CWF19L1: variants seen among roughly 807,000 people sequenced by gnomAD.
CWF19L1 encodes CWF19 like cell cycle control factor 1, also known as CWF19-like protein 1.
Under a neutral mutation model 69.7 loss-of-function variants are expected in CWF19L1, and 60 were observed. That is an observed-to-expected ratio of 0.86 (90% confidence interval 0.70 to 1.07). The LOEUF is 1.07. CWF19L1 is among the 50% of genes least tolerant of loss of function. The pLI is 0.00. For missense variants in CWF19L1, 591 were observed against 638.9 expected, an observed-to-expected ratio of 0.92 and a Z score of 0.81; for synonymous variants, 209 against 222.2, an observed-to-expected ratio of 0.94 and a Z score of 0.53.
intron 1 of CWF19L1, among the ~76,000 whole-genome samples, chr10:100,266,494 A>G (rs757548604): frequency 5.6e-5 from 8 of 142,296 alleles, no homozygotes; most frequent in Non-Finnish European, 1.1e-4. Flanking sequence ...TGGCCCTATC[A>G]CTATGGTAAC....
Position 100,253,556 on chromosome 10 carries a change from T to C in CWF19L1, c.505-17A>G, listed in dbSNP as rs1564858530. 4 of 1,443,398 alleles carry C rather than the reference T, an allele frequency of 2.8e-6. No homozygotes were observed. The South Asian group carries it at 4.6e-5, about 17-fold the overall frequency. 89.4% of individuals were successfully genotyped at this position (1,443,398 alleles called of 1,614,324 possible). A position where few individuals can be genotyped will look rare whatever the true frequency, so the allele number is the denominator to read the frequency against. ...CACTTCTCCCTAGTAAACAAAAACT[T>C]AGTCATCCATACAGACCAAAAGTTA... On this transcript the variant is annotated splice_polypyrimidine_tract_variant and intron_variant, in intron 5 of 13. Coordinates refer to ENST00000354105, the MANE Select transcript of CWF19L1 (RefSeq NM_018294.6).
At chr10:100,237,029 A>C in intron 11 of CWF19L1, 60 bp from the exon 12 acceptor site, 1 of 1,533,606 alleles carries the variant, frequency 6.5e-7, no homozygotes, top group Non-Finnish European at 8.8e-7. Flanking sequence ...TTGTGCCTGC[A>C]CAGTCTCTGA....
chr10:100,241,921 T>C (rs1180966979), intron 10 of CWF19L1, among the ~76,000 whole-genome samples: 1 of 152,232 alleles, frequency 6.6e-6, no homozygotes, highest in African/African-American at 2.4e-5. Context: ...TCCTCAGGAA[T>C]CTTGGGGAAC....
chr10:100,261,122 GT>G, intron 2 of CWF19L1, 78 bp from the exon 3 acceptor site: 1 of 900,896 alleles, frequency 1.1e-6, no homozygotes, highest in Non-Finnish European at 1.7e-6. Flanking sequence ...TATTCAACTA[GT>G]TATTTAATAG....
At chr10:100,261,142 C>A (rs1425259729) in intron 2 of CWF19L1, 98 bp from the exon 3 acceptor site, 16 of 784,750 alleles carry the variant, frequency 2.0e-5, no homozygotes, top group Non-Finnish European at 3.3e-5. Flanking sequence ...AGTTTCAAAT[C>A]AGTTTTTAAT....
chr10:100,246,688 AG>A (rs1208805261), intron 8 of CWF19L1, 106 bp downstream of exon 8: 6 of 1,141,156 alleles, frequency 5.3e-6, no homozygotes, highest in Non-Finnish European at 7.2e-6. Flanking sequence ...TGATTTCCCA[AG>A]GGGAAAAAAA....
At chr10:100,238,318 G>T in intron 10 of CWF19L1, 87 bp from the exon 11 acceptor site, 1 of 1,193,666 alleles carries the variant, frequency 8.4e-7, no homozygotes, top group Non-Finnish European at 1.2e-6. Flanking sequence ...GTGAGCCTGA[G>T]GGTGTAGGCG....
intron 9 of CWF19L1, among the ~76,000 whole-genome samples, chr10:100,244,919 T>G (rs1163312858): frequency 6.6e-6 from 1 of 152,184 alleles, no homozygotes; most frequent in African/African-American, 2.4e-5. Flanking sequence ...CCACCCAAAG[T>G]GCTGGGATTA....
At chr10:100,258,553 T>C (rs1298452874) in intron 4 of CWF19L1, 1 of 152,230 alleles carries the variant, frequency 6.6e-6, no homozygotes, top group Non-Finnish European at 1.5e-5. Flanking sequence ...ATCTGATATG[T>C]GTAGTTAAAA....
At chr10:100,249,680 A>G (rs888061364) in intron 7 of CWF19L1, among the ~76,000 whole-genome samples, 6 of 151,810 alleles carry the variant, frequency 4.0e-5, no homozygotes, top group African/African-American at 1.5e-4. Flanking sequence ...CACCTCCCAC[A>G]TTCAAGCAAT....
At chr10:100,251,022 C>T (rs998304947) in intron 6 of CWF19L1, among the ~76,000 whole-genome samples, 5 of 151,892 alleles carry the variant, frequency 3.3e-5, no homozygotes, top group Non-Finnish European at 7.4e-5. Context: ...AAAGTTTTCA[C>T]GGTTCAACCA....
chr10:100,238,908 G>A lies in CWF19L1; in HGVS notation c.1045-677C>T, dbSNP rs943031619. Among the ~76,000 whole-genome samples the A allele has an allele frequency of 2.0e-5, 3 of 147,362 alleles. No homozygotes were observed. In the Admixed American group the frequency reaches 2.1e-4, roughly 10 times the overall value. ...GATCGCGCCACTACACTCCAGCCTG[G>A]GTGACAGAGCGAGACTCCGTCTCCA... is the stretch of plus-strand genomic sequence containing the variant. On this transcript the variant is annotated intron_variant, in intron 10 of 13. Transcript: ENST00000354105.
intron 7 of CWF19L1, 120 bp downstream of exon 7, chr10:100,250,128 G>C (rs552023732): frequency 1.3e-5 from 10 of 741,402 alleles, no homozygotes; most frequent in Non-Finnish European, 2.1e-5. Flanking sequence ...AGGAGTCTCC[G>C]AAACTGCTGA....
chr10:100,266,678 G>T (rs1381241709), intron 1 of CWF19L1, among the ~76,000 whole-genome samples: 2 of 127,470 alleles, frequency 1.6e-5, no homozygotes, highest in Non-Finnish European at 3.0e-5. Context: ...ACCACGCCTG[G>T]CTAATTTTTT....
rs75790281 is a variant in CWF19L1 at position 100,233,017 on chromosome 10, A to T, written c.*210T>A. 0.023 allele frequency: 8,747 copies of T among 381,154 alleles called. 690 individuals carry two copies. The highest frequency in any genetic ancestry group is 0.17 in the African/African-American group (7,952 of 47,816). 23.6% of individuals were successfully genotyped at this position (381,154 alleles called of 1,614,324 possible). ...AAAAAAGTTTGCCAGGCATGGTAGC[A>T]TGCGCCTGTGGTCCCAGCTACTCAT... is the stretch of plus-strand genomic sequence containing the variant. On this transcript the variant is annotated 3_prime_UTR_variant, in exon 14 of 14. Transcript: ENST00000354105.
chr10:100,249,045 G>C, intron 7 of CWF19L1: 3 of 574,556 alleles, frequency 5.2e-6, no homozygotes, highest in South Asian at 3.5e-5. Context: ...TGCCAGCGGG[G>C]CAGTCCATGC....
chr10:100,245,793 A>AC lies in CWF19L1; in HGVS notation c.964+5dup, dbSNP rs780787408. 6.2e-7 allele frequency: 1 copy of AC among 1,605,722 alleles called. No homozygotes were observed. Among genetic ancestry groups the AC allele is most frequent in the Non-Finnish European group, 8.5e-7 (1 of 1,172,352 alleles). On this transcript the variant is annotated splice_donor_region_variant and intron_variant, in intron 9 of 13. Transcript: ENST00000354105. ...TAGAAGAAACCTCTGGAATAAAGGT[A>AC]CTTACGAGGTTTGCGAGGCTGCTTT...
At chr10:100,246,701 G>C in intron 8 of CWF19L1, 94 bp downstream of exon 8, 1 of 1,248,276 alleles carries the variant, frequency 8.0e-7, no homozygotes, top group South Asian at 1.9e-5. Context: ...GGAAAAAAAA[G>C]ATTTAGATTC....
chr10:100,250,864 C>T (rs1847003572), intron 6 of CWF19L1, among the ~76,000 whole-genome samples: 1 of 151,498 alleles, frequency 6.6e-6, no homozygotes, highest in South Asian at 2.1e-4. Context: ...AGGAGAATCA[C>T]TTGAGCCCAC....
Sources: allele counts gnomAD v4.1 joint callset (sites outside exome capture counted in the v4.1 genomes callset), GRCh38; gene constraint gnomAD v4.1.1; transcripts MANE v1.5; gene names NCBI Gene and HGNC (gene_info 2026-07-23, HGNC 2026-07-21).